Variants in GRK3 observed in about 807,000 individuals in gnomAD.
GRK3 encodes the protein adrenergic, beta, receptor kinase 2.
In GRK3, 54 loss-of-function variants were observed where a neutral mutation model predicts 95.7. The ratio of observed to expected loss-of-function variants is 0.56; its 90% CI spans 0.45 to 0.71. GRK3 has a LOEUF of 0.71. Among genes scored for constraint, GRK3 ranks in the 30% least tolerant of loss-of-function variants. The probability of loss-of-function intolerance (pLI) is 0.00; values close to 1 mark genes in which losing one functional copy is unlikely to be tolerated. For synonymous variants in GRK3, 281 were observed against 290.8 expected, an observed-to-expected ratio of 0.97 and a Z score of 0.34; for missense variants, 649 against 851.2, an observed-to-expected ratio of 0.76 and a Z score of 2.96.
intron 12 of GRK3, among the ~76,000 whole-genome samples, chr22:25,692,867 C>G (rs890083198): frequency 6.6e-6 from 1 of 152,174 alleles, no homozygotes; most frequent in Admixed American, 6.5e-5. Flanking sequence ...CTATTTAGTA[C>G]AAGACGGAAG....
rs112348725 is a variant in GRK3 at position 25,711,800 on chromosome 22, G to A, written c.1491+637G>A. On this transcript the variant is annotated intron_variant, in intron 17 of 20. Coordinates refer to ENST00000324198, the MANE Select transcript of GRK3 (RefSeq NM_005160.4). ...GCCCCAGGCTCTACCCCCTGCCCCC[G>A]GGCCTTCCCTGTTTCTTCTCAGCTG... Among the ~76,000 whole-genome samples the A allele has an allele frequency of 2.0e-3, 303 of 151,960 alleles. 2 individuals carry two copies. Among genetic ancestry groups the A allele is most frequent in the African/African-American group, 7.0e-3 (289 of 41,428 alleles).
intron 2 of GRK3, among the ~76,000 whole-genome samples, chr22:25,643,107 TA>T (rs1569176448): frequency 6.6e-6 from 1 of 152,262 alleles, no homozygotes; most frequent in South Asian, 2.1e-4. Flanking sequence ...TTGAAATGAA[TA>T]AAAATGAAGA....
intron 18 of GRK3, 34 bp from the exon 19 acceptor site, chr22:25,718,210 GC>G (rs1216331716): frequency 6.3e-7 from 1 of 1,596,448 alleles, no homozygotes; most frequent in Non-Finnish European, 8.6e-7. Context: ...TTGTTTCAGA[GC>G]CTATTTAACT....
rs1382155087 is a variant in GRK3 at position 25,683,530 on chromosome 22, TC to T, written c.748-1637del. On this transcript the variant is annotated intron_variant, in intron 9 of 20. Coordinates refer to ENST00000324198, the MANE Select transcript of GRK3 (RefSeq NM_005160.4). ...TGAAAGTTCTATTCACTGTATATCT[TC>T]CCAGCACTCAGTATCGTCAGTGTTT... 2.0e-5 allele frequency among the ~76,000 whole-genome samples: 3 copies of T among 152,336 alleles called. No homozygotes were observed. The East Asian group carries it at 5.8e-4, about 29-fold the overall frequency.
At position 25,722,475 on chromosome 22, in the gene GRK3, G is replaced by A. The variant is rs752327148; in HGVS notation, c.*25G>A. On this transcript the variant is annotated 3_prime_UTR_variant, in exon 21 of 21. Transcript: ENST00000324198. Reference sequence around the variant, plus strand: ...GCACCCAGAAACAGGGAGGGTCCTCGAGGAGGACACACCAGGGTCTCAGCC... The same window carrying A: ...GCACCCAGAAACAGGGAGGGTCCTCAAGGAGGACACACCAGGGTCTCAGCC... The A allele has an allele frequency of 7.4e-6, 12 of 1,611,878 alleles. No individual in the cohort carries two copies. Among genetic ancestry groups the A allele is most frequent in the East Asian group, 4.5e-5 (2 of 44,854 alleles).
chr22:25,666,943 G>A (rs2084946100), intron 5 of GRK3, among the ~76,000 whole-genome samples: 1 of 152,132 alleles, frequency 6.6e-6, no homozygotes, highest in African/African-American at 2.4e-5. Flanking sequence ...CATGGAAAAG[G>A]AAAGCTGATG....
At chr22:25,675,285 G>A (rs2085019227) in intron 8 of GRK3, among the ~76,000 whole-genome samples, 1 of 152,124 alleles carries the variant, frequency 6.6e-6, no homozygotes, top group South Asian at 2.1e-4. Context: ...ATCAGTAGCT[G>A]GGGTGCTGGA....
chr22:25,591,229 G>A (rs1932477967), intron 1 of GRK3, among the ~76,000 whole-genome samples: 1 of 152,190 alleles, frequency 6.6e-6, no homozygotes, highest in Non-Finnish European at 1.5e-5. Context: ...TATTATGAAA[G>A]ATGCAACTCA....
intron 12 of GRK3, among the ~76,000 whole-genome samples, chr22:25,693,696 C>T (rs2146442185): frequency 6.6e-6 from 1 of 152,176 alleles, no homozygotes; most frequent in Middle Eastern, 3.4e-3. Context: ...CCCATGATGA[C>T]CCAGGCTTAT....
intron 2 of GRK3, among the ~76,000 whole-genome samples, chr22:25,605,506 TGGAG>T (rs1431949911): frequency 6.6e-6 from 1 of 151,954 alleles, no homozygotes; most frequent in African/African-American, 2.4e-5. Context: ...TCTCTGAGAG[TGGAG>T]GGAAAAAGGA....
At chr22:25,588,499 T>G (rs1932391210) in intron 1 of GRK3, among the ~76,000 whole-genome samples, 1 of 152,230 alleles carries the variant, frequency 6.6e-6, no homozygotes, top group African/African-American at 2.4e-5. Context: ...CTATTTAAGA[T>G]TCTTTTACAG....
intron 13 of GRK3, among the ~76,000 whole-genome samples, chr22:25,701,225 A>G (rs2085256649): frequency 6.6e-6 from 1 of 152,236 alleles, no homozygotes; most frequent in Admixed American, 6.5e-5. Flanking sequence ...AAGCGGCTGC[A>G]TCAGGGAGCA....
At position 25,663,630 on chromosome 22, in the gene GRK3, C is replaced by A; in HGVS notation, c.367C>A (p.Pro123Thr). Residue 123 changes from proline to threonine, a missense_variant and splice_region_variant, in exon 5 of 21, where the codon CCT becomes ACT. Pro to Thr is a conservative substitution (Grantham distance 38, BLOSUM62 -1). Around this residue, in one of 3 missense-constraint regions of GRK3, gnomAD observed 206 missense variants for 231.4 expected, o/e 0.89. Transcript: ENST00000324198. ...AAAATATTATTTTTGACTTTGATAGCCTTTCTCAAAGCAAGCTGTAGAACA... is the reference window on the plus strand; with the variant it reads ...AAAATATTATTTTTGACTTTGATAGACTTTCTCAAAGCAAGCTGTAGAACA... The part of the protein sequence containing the change: ...IMKELLSCSH[P>T]FSKQAVEHVQ... 1 of 1,598,906 alleles carries A rather than the reference C, an allele frequency of 6.3e-7. No individual in the cohort carries two copies. The highest frequency in any genetic ancestry group is 1.7e-5 in the Admixed American group (1 of 58,750).
rs185278633 is a variant in GRK3, at chr22:25,687,975, G to A, written c.957+308G>A. ...ATTTAGGCCAGGTGCGGTGGCTCAT[G>A]CCTGTAATCCCAGCACTTTGGGAGG... is the stretch of plus-strand genomic sequence containing the variant. On this transcript the variant is annotated intron_variant, in intron 11 of 20. Coordinates refer to ENST00000324198, the MANE Select transcript of GRK3 (RefSeq NM_005160.4). 7.9e-5 allele frequency among the ~76,000 whole-genome samples: 12 copies of A among 152,290 alleles called. No individual in the cohort carries two copies. The East Asian group carries it at 9.6e-4, about 12-fold the overall frequency.
At chr22:25,721,188 T>C in intron 19 of GRK3, 96 bp from the exon 20 acceptor site, 1 of 595,556 alleles carries the variant, frequency 1.7e-6, no homozygotes, top group Non-Finnish European at 2.9e-6. Context: ...CGAATGTGTT[T>C]TCTTTTTTTA....
intron 2 of GRK3, among the ~76,000 whole-genome samples, chr22:25,639,575 A>G (rs1270972045): frequency 6.6e-6 from 1 of 152,172 alleles, no homozygotes; most frequent in Non-Finnish European, 1.5e-5. Context: ...TGGCTATGTA[A>G]TGAGTCTTGA....
chr22:25,631,734 G>A (rs2084665685), intron 2 of GRK3, among the ~76,000 whole-genome samples: 1 of 152,166 alleles, frequency 6.6e-6, no homozygotes, highest in African/African-American at 2.4e-5. Flanking sequence ...GTGACCCTTC[G>A]TAGTCAACCC....
intron 1 of GRK3, among the ~76,000 whole-genome samples, chr22:25,577,204 G>A (rs772781343): frequency 2.7e-5 from 4 of 150,088 alleles, no homozygotes; most frequent in East Asian, 1.9e-4. Flanking sequence ...AGACAGTCTC[G>A]CTCTCTTGCC....
At chr22:25,594,323 G>A (rs540203584) in intron 1 of GRK3, among the ~76,000 whole-genome samples, 1 of 152,118 alleles carries the variant, frequency 6.6e-6, no homozygotes, top group African/African-American at 2.4e-5. Context: ...AAAAGTCAAG[G>A]AGGAGGGACT....
Sources: allele counts gnomAD v4.1 joint callset (sites outside exome capture counted in the v4.1 genomes callset), GRCh38; gene constraint gnomAD v4.1.1; regional missense constraint gnomAD v4.1.1; transcripts MANE v1.5; gene names NCBI Gene and HGNC (gene_info 2026-07-23, HGNC 2026-07-21).